Variants in FAT3 observed in about 807,000 individuals in gnomAD.
FAT3 encodes FAT atypical cadherin 3.
Under a neutral mutation model 310.2 loss-of-function variants are expected in FAT3, and 95 were observed. The observed-to-expected ratio is 0.31, with a 90% CI of 0.26 to 0.36. The LOEUF is 0.36. Ranked by LOEUF, FAT3 falls within the 10% of genes least tolerant of loss-of-function variation. FAT3 has a pLI of 1.00. For missense variants in FAT3, 5,408 were observed against 5,715.6 expected (o/e 0.95, Z 1.74); for synonymous variants, 2,314 against 2,192.9 (o/e 1.06, Z -1.54).
rs796426653 is a variant in FAT3 at position 92,591,360 on chromosome 11, A to C, written c.3607+66412A>C. Among the ~76,000 whole-genome samples the C allele has an allele frequency of 3.9e-4, 60 of 152,252 alleles. 1 individual carries two copies. The highest frequency in any genetic ancestry group is 1.3e-3 in the African/African-American group (53 of 41,568). On this transcript the variant is annotated intron_variant, in intron 3 of 27. Transcript: ENST00000525166. ...TGCATTGGATTGGTTTCCTCGGTAC[A>C]GTCCTTACTTATATGTAGCACTGTG...
At chr11:92,416,732 G>A (rs1015836354) in intron 2 of FAT3, among the ~76,000 whole-genome samples, 1 of 152,178 alleles carries the variant, frequency 6.6e-6, no homozygotes, top group African/African-American at 2.4e-5. Flanking sequence ...TTAGTGGGGC[G>A]TGAGGTCACC....
chr11:92,314,638 T>C (rs1479286362), intron 1 of FAT3, among the ~76,000 whole-genome samples: 1 of 152,174 alleles, frequency 6.6e-6, no homozygotes, highest in Non-Finnish European at 1.5e-5. Flanking sequence ...CTAATGTTTA[T>C]TTCACCACTG....
chr11:92,669,737 C>T (rs1246426701), intron 3 of FAT3, among the ~76,000 whole-genome samples: 1 of 152,130 alleles, frequency 6.6e-6, no homozygotes, highest in Non-Finnish European at 1.5e-5. Context: ...TTTCCAATTC[C>T]AGCCCAATCA....
rs780129800 is a variant in FAT3 at position 92,229,492 on chromosome 11, G to GTTTTTTTTTTTTTTT, written c.-18+4332_-18+4333insTTTTTTTTTTTTTTT. Among the ~76,000 whole-genome samples, 28 of 60,244 alleles carry GTTTTTTTTTTTTTTT rather than the reference G, an allele frequency of 4.6e-4. 2 individuals are homozygous for GTTTTTTTTTTTTTTT. Among genetic ancestry groups the GTTTTTTTTTTTTTTT allele is most frequent in the African/African-American group, 1.4e-3 (24 of 16,868 alleles). 39.5% of individuals were successfully genotyped at this position (60,244 alleles called of 152,430 possible). On this transcript the variant is annotated intron_variant, in intron 1 of 27. Coordinates refer to ENST00000525166, the MANE Select transcript of FAT3 (RefSeq NM_001367949.2). ...TTGTTTTCTTTTTTTGTTTTTTCGTGTTTTTTTTTTTTTTGTTTTTTGTTT... is the reference window on the plus strand; with the variant it reads ...TTGTTTTCTTTTTTTGTTTTTTCGTGTTTTTTTTTTTTTTTTTTTTTTTTTTTTTGTTTTTTGTTT...
intron 22 of FAT3, among the ~76,000 whole-genome samples, chr11:92,876,482 T>C (rs985044165): frequency 2.0e-5 from 3 of 152,232 alleles, no homozygotes; most frequent in African/African-American, 7.2e-5. Flanking sequence ...TGGCCTTCTG[T>C]AGACATAGCT....
intron 2 of FAT3, among the ~76,000 whole-genome samples, chr11:92,368,899 CACAT>C (rs1949102850): frequency 8.2e-6 from 1 of 121,336 alleles, no homozygotes. Flanking sequence ...TATACACACA[CACAT>C]ATATATATAC....
chr11:92,340,111 C>CAAAAA (rs56378818), intron 1 of FAT3, among the ~76,000 whole-genome samples: 7 of 49,136 alleles, frequency 1.4e-4, no homozygotes, highest in South Asian at 8.5e-4. Flanking sequence ...GACTCCATCT[C>CAAAAA]AAAAAAAAAA....
chr11:92,640,953 T>C (rs973410887), intron 3 of FAT3, among the ~76,000 whole-genome samples: 1 of 152,156 alleles, frequency 6.6e-6, no homozygotes, highest in African/African-American at 2.4e-5. Flanking sequence ...ACACCTGCAA[T>C]CCCAGCACTT....
At chr11:92,754,627 CAAAAA>C (rs71064722) in intron 4 of FAT3, among the ~76,000 whole-genome samples, 3 of 32,722 alleles carry the variant, frequency 9.2e-5, no homozygotes, top group East Asian at 9.8e-4. Context: ...GACTCTGCCT[CAAAAA>C]AAAAAAAAAA....
chr11:92,836,058 C>G (rs1270148813), intron 15 of FAT3, among the ~76,000 whole-genome samples: 2 of 152,128 alleles, frequency 1.3e-5, no homozygotes, highest in African/African-American at 4.8e-5. Context: ...ACTCTGCTTC[C>G]TGGAAAGTAC....
At chr11:92,482,117 T>A (rs1306483334) in intron 2 of FAT3, among the ~76,000 whole-genome samples, 1 of 152,186 alleles carries the variant, frequency 6.6e-6, no homozygotes, top group African/African-American at 2.4e-5. Flanking sequence ...ACATCTTCAA[T>A]GTCAGTACAC....
rs376798580 is a variant in FAT3 at position 92,353,103 on chromosome 11, C to G, written c.991C>G (p.Gln331Glu). 1.4e-5 allele frequency: 23 copies of G among 1,613,516 alleles called. No homozygotes were observed. Among genetic ancestry groups the G allele is most frequent in the Non-Finnish European group, 1.7e-6 (2 of 1,179,860 alleles). The change falls in exon 2 of 28, where the codon CAG becomes GAG. Residue 331 changes from glutamine to glutamate, a missense_variant. Gln to Glu is a conservative substitution (Grantham distance 29). Coordinates refer to ENST00000525166, the MANE Select transcript of FAT3 (RefSeq NM_001367949.2). ...TGAGTACAAGATTAAGGAGAGGAAG[C>G]AGATTGACTGGGAGAGCTTTCCCTA... ...LNEYKIKERKQIDWESFPYGY... is the reference protein window; with the variant it reads ...LNEYKIKERKEIDWESFPYGY...
Position 92,866,995 on chromosome 11 carries a change from T to C in FAT3, c.11913T>C (p.Thr3971=). The C allele has an allele frequency of 6.2e-7, 1 of 1,608,668 alleles. No individual in the cohort carries two copies. Among genetic ancestry groups the C allele is most frequent in the South Asian group, 1.1e-5 (1 of 90,102 alleles). The change falls in exon 22 of 28, where the codon ACT becomes ACC. Residue 3971 remains threonine (T), a synonymous_variant. Transcript: ENST00000525166. ...AAGCGGATAACATCCGCAGCCTGAC[T>C]GACACGCGGGTCACGCAGGTGCTCA... ...LVQADNIRSL[T]DTRVTQVLSG... is the part of the protein sequence containing the mutation.
chr11:92,576,114 C>T (rs576863660), intron 3 of FAT3, among the ~76,000 whole-genome samples: 6 of 152,258 alleles, frequency 3.9e-5, no homozygotes, highest in African/African-American at 1.4e-4. Flanking sequence ...GAAACAGATG[C>T]ACATTTTAAG....
intron 4 of FAT3, among the ~76,000 whole-genome samples, chr11:92,737,713 T>A (rs1227066381): frequency 6.6e-6 from 1 of 152,192 alleles, no homozygotes; most frequent in East Asian, 1.9e-4. Flanking sequence ...CAGTTAGATT[T>A]TTTTTTAATT....
At chr11:92,739,392 T>C (rs1296692710) in intron 4 of FAT3, among the ~76,000 whole-genome samples, 1 of 152,234 alleles carries the variant, frequency 6.6e-6, no homozygotes, top group Non-Finnish European at 1.5e-5. Context: ...TAACTCTTTA[T>C]GATCAATAGA....
chr11:92,473,037 T>C (rs1225642761), intron 2 of FAT3, among the ~76,000 whole-genome samples: 1 of 152,222 alleles, frequency 6.6e-6, no homozygotes, highest in Non-Finnish European at 1.5e-5. Context: ...CTTTAAGCTT[T>C]AGCTTAAATG....
At position 92,602,038 on chromosome 11, in the gene FAT3, C is replaced by T. The variant is rs142790066; in HGVS notation, c.3607+77090C>T. ...ATTTATTGATTTTACATTGTGGGCA[C>T]GGCATAGTCCTAACTACTTACGTGT... On this transcript the variant is annotated intron_variant, in intron 3 of 27. Coordinates refer to ENST00000525166, the MANE Select transcript of FAT3 (RefSeq NM_001367949.2). Among the ~76,000 whole-genome samples the T allele has an allele frequency of 2.4e-3, 362 of 152,024 alleles. 1 individual carries two copies. Among genetic ancestry groups the T allele is most frequent in the Non-Finnish European group, 2.8e-3 (187 of 67,988 alleles).
intron 2 of FAT3, among the ~76,000 whole-genome samples, chr11:92,448,512 A>G (rs1368371961): frequency 2.6e-5 from 4 of 152,208 alleles, no homozygotes; most frequent in African/African-American, 4.8e-5. Flanking sequence ...TGCAAAATCT[A>G]TATTATAATA....
Sources: allele counts gnomAD v4.1 joint callset (sites outside exome capture counted in the v4.1 genomes callset), GRCh38; gene constraint gnomAD v4.1.1; transcripts MANE v1.5; gene names NCBI Gene and HGNC (gene_info 2026-07-23, HGNC 2026-07-21).